The following SYT9 variants were observed in gnomAD, a reference collection of about 807,000 sequenced individuals.
SYT9 encodes the protein synaptotagmin 9, also known as synaptotagmin-9.
A neutral mutation model predicts 48.4 loss-of-function variants in SYT9; 22 were observed. The observed-to-expected ratio is 0.45, with a 90% CI of 0.32 to 0.65. The LOEUF is 0.65. SYT9 is among the 30% of genes least tolerant of loss of function. The probability of loss-of-function intolerance (pLI) is 0.03; values close to 1 mark genes in which losing one functional copy is unlikely to be tolerated. For synonymous variants in SYT9, 265 were observed against 245.0 expected, an observed-to-expected ratio of 1.08 and a Z score of -0.76; for missense variants, 577 against 622.0, an observed-to-expected ratio of 0.93 and a Z score of 0.77.
rs1231457215 is a variant in SYT9 at position 7,252,935 on chromosome 11, T to TGGCCTG, written c.145+614_145+619dup. 5.9e-5 allele frequency among the ~76,000 whole-genome samples: 9 copies of TGGCCTG among 152,224 alleles called. No individual in the cohort carries two copies. The highest frequency in any genetic ancestry group is 4.4e-5 in the Non-Finnish European group (3 of 68,008). On this transcript the variant is annotated intron_variant, in intron 1 of 6. Coordinates refer to ENST00000318881, the MANE Select transcript of SYT9 (RefSeq NM_175733.4). This position sits in a 1 kb window ranked among gnomAD's most constrained non-coding sequence, Gnocchi z 6.3. ...CCCGGCGGGTCGCACGGCATGGAGG[T>TGGCCTG]GGCCTGGGCCTGGGCGCTAGGCTCG...
In SYT9 at chr11:7,466,048, G is replaced by A. The variant is rs190637336; in HGVS notation, c.1468-744G>A. Among the ~76,000 whole-genome samples the A allele has an allele frequency of 3.2e-4, 49 of 152,208 alleles. 1 individual carries two copies. In the East Asian group the frequency reaches 7.0e-3, roughly 22 times the overall value. ...AAATCATATCACCAGCCTTACCTCC[G>A]ACCACTTCATTCCTCACACTACAGT... On this transcript the variant is annotated intron_variant, in intron 6 of 6. Transcript: ENST00000318881.
chr11:7,465,749 T>A (rs1213819414), intron 6 of SYT9: 5 of 168,540 alleles, frequency 3.0e-5, no homozygotes, highest in Non-Finnish European at 6.3e-5. Flanking sequence ...TTAACTGGAC[T>A]TACAGTTCCA....
At chr11:7,445,590 TTC>T (rs1049213043) in intron 6 of SYT9, among the ~76,000 whole-genome samples, 2 of 152,190 alleles carry the variant, frequency 1.3e-5, no homozygotes, top group Admixed American at 1.3e-4. Context: ...AACCATCCTT[TTC>T]TCTCTTTCTC....
At chr11:7,450,851 C>T (rs146213937) in intron 6 of SYT9, among the ~76,000 whole-genome samples, 3 of 152,328 alleles carry the variant, frequency 2.0e-5, no homozygotes, top group Non-Finnish European at 2.9e-5. Flanking sequence ...GCTGGTCAAG[C>T]GGCTTTGAAG....
upstream of SYT9, chr11:7,251,814 C>A (rs1022589711): frequency 1.6e-4 from 29 of 176,348 alleles, no homozygotes; most frequent in African/African-American, 6.3e-4. Context: ...CGGTCTGGGG[C>A]CGCCGCTATC....
chr11:7,271,918 GA>G (rs1408142625), intron 1 of SYT9, among the ~76,000 whole-genome samples: 1 of 152,138 alleles, frequency 6.6e-6, no homozygotes, highest in African/African-American at 2.4e-5. Context: ...GATATTTAGA[GA>G]AAAAATGCAG....
chr11:7,420,482 A>C, intron 5 of SYT9, 24 bp from the exon 6 acceptor site: 1 of 1,612,258 alleles, frequency 6.2e-7, no homozygotes, highest in Non-Finnish European at 8.5e-7. Context: ...TTTAAGAAAA[A>C]ACTATTGTGG....
chr11:7,330,820 CT>C (rs1346187141), intron 3 of SYT9, among the ~76,000 whole-genome samples: 3 of 152,152 alleles, frequency 2.0e-5, no homozygotes, highest in African/African-American at 7.2e-5. Flanking sequence ...CCTCAGCCTC[CT>C]GAGTAGCTGG....
At chr11:7,297,072 G>C (rs982089287) in intron 1 of SYT9, among the ~76,000 whole-genome samples, 3 of 149,114 alleles carry the variant, frequency 2.0e-5, no homozygotes, top group Non-Finnish European at 1.5e-5. Context: ...GTGTGTGTGT[G>C]TGTGTGTGTG....
At chr11:7,380,993 A>G (rs1226279644) in intron 3 of SYT9, among the ~76,000 whole-genome samples, 2 of 152,162 alleles carry the variant, frequency 1.3e-5, no homozygotes, top group Non-Finnish European at 2.9e-5. Context: ...CTAGTGTGCC[A>G]TACCGAAATT....
intron 1 of SYT9, among the ~76,000 whole-genome samples, chr11:7,294,246 G>A (rs1024331619): frequency 3.3e-5 from 5 of 152,098 alleles, no homozygotes; most frequent in African/African-American, 9.7e-5. Context: ...ATGAATTTGG[G>A]GGGGACACAA....
chr11:7,428,023 C>A (rs1187322350), intron 6 of SYT9: 1 of 151,856 alleles, frequency 6.6e-6, no homozygotes, highest in Non-Finnish European at 1.5e-5. Flanking sequence ...CCAAGCAAAT[C>A]TTCTTTCTTG....
intron 1 of SYT9, among the ~76,000 whole-genome samples, chr11:7,289,937 G>A (rs17286215): frequency 0.093 from 14,122 of 152,230 alleles, 862 homozygotes; most frequent in South Asian, 0.2. Flanking sequence ...CATATTATTT[G>A]TAGAAAGCTG....
chr11:7,280,598 T>C lies in SYT9; in HGVS notation c.146-22441T>C, dbSNP rs533344264. On this transcript the variant is annotated intron_variant, in intron 1 of 6. Transcript: ENST00000318881. ...CTTAACAAAATAATAAATAAAACCT[T>C]GGTTTGTGGTGTTTGCAAGTTTTGT... Among the ~76,000 whole-genome samples the C allele has an allele frequency of 3.3e-5, 5 of 152,272 alleles. 1 individual carries two copies. The South Asian group carries it at 1.0e-3, about 32-fold the overall frequency.
chr11:7,308,983 G>A (rs1020292347), intron 2 of SYT9, among the ~76,000 whole-genome samples: 2 of 152,118 alleles, frequency 1.3e-5, no homozygotes, highest in African/African-American at 4.8e-5. Flanking sequence ...CTGAACTATG[G>A]CTGCAACTCA....
chr11:7,311,393 G>T (rs1849131304), intron 2 of SYT9, among the ~76,000 whole-genome samples: 1 of 152,240 alleles, frequency 6.6e-6, no homozygotes, highest in Non-Finnish European at 1.5e-5. Context: ...TTGCTGTGAT[G>T]AATCGAATGC....
intron 5 of SYT9, among the ~76,000 whole-genome samples, chr11:7,418,937 T>C (rs1847301032): frequency 6.6e-6 from 1 of 152,252 alleles, no homozygotes; most frequent in Non-Finnish European, 1.5e-5. Context: ...TGACTTCTAA[T>C]ATTATTTGTG....
chr11:7,459,932 C>CT (rs1479024284), intron 6 of SYT9, among the ~76,000 whole-genome samples: 1 of 152,174 alleles, frequency 6.6e-6, no homozygotes, highest in African/African-American at 2.4e-5. Flanking sequence ...CTTCAGACTT[C>CT]TAGCCTCTAG....
At chr11:7,273,425 C>T (rs1425642491) in intron 1 of SYT9, among the ~76,000 whole-genome samples, 1 of 151,704 alleles carries the variant, frequency 6.6e-6, no homozygotes, top group Non-Finnish European at 1.5e-5. Flanking sequence ...GAATTATGGC[C>T]CAACTATATG....
Sources: gnomAD v4.1 joint callset for allele counts (sites outside exome capture counted in the v4.1 genomes callset) on GRCh38, gnomAD v4.1.1 for gene constraint, Gnocchi (gnomAD v3.1) non-coding constraint, MANE v1.5 for transcripts, NCBI Gene and HGNC (gene_info 2026-07-23, HGNC 2026-07-21) for gene names.